ST8SIA5: variants seen among roughly 807,000 people sequenced by gnomAD.
ST8SIA5 encodes the protein ST8 alpha-N-acetyl-neuraminide alpha-2,8-sialyltransferase 5, also known as alpha-2,8-sialyltransferase 8E.
ST8SIA5 carries 24 observed loss-of-function variants against 40.2 expected under a neutral mutation model. That is an observed-to-expected ratio of 0.60 (90% CI 0.43 to 0.84). ST8SIA5 has a LOEUF of 0.84. Among genes scored for constraint, ST8SIA5 ranks in the 40% least tolerant of loss-of-function variants. The pLI is 0.00. For missense variants in ST8SIA5, 465 were observed against 498.5 expected, an observed-to-expected ratio of 0.93 and a Z score of 0.64; for synonymous variants, 198 against 201.8, an observed-to-expected ratio of 0.98 and a Z score of 0.16.
chr18:46,720,015 T>A (rs1474557226), intron 1 of ST8SIA5, among the ~76,000 whole-genome samples: 3 of 151,940 alleles, frequency 2.0e-5, no homozygotes, highest in Admixed American at 2.0e-4. Flanking sequence ...ATTTTTGCAT[T>A]TTTAGTAGAG....
chr18:46,725,970 A>T (rs868543699), intron 1 of ST8SIA5, among the ~76,000 whole-genome samples: 20 of 31,776 alleles, frequency 6.3e-4, no homozygotes, highest in African/African-American at 1.8e-3. Flanking sequence ...AAAAAAAAAA[A>T]AAATATATAT....
chr18:46,732,288 G>A (rs4121689), intron 1 of ST8SIA5, among the ~76,000 whole-genome samples: 9,275 of 152,252 alleles, frequency 0.061, 603 homozygotes, highest in East Asian at 0.31. Context: ...GGCATAGAGT[G>A]GGAAGTTAGC....
chr18:46,680,300 G>A lies in ST8SIA5; in HGVS notation c.873C>T (p.Ser291=). The change falls in exon 7 of 7, where the codon AGC becomes AGT. Residue 291 remains serine, a synonymous_variant. Coordinates refer to ENST00000315087, the MANE Select transcript of ST8SIA5 (RefSeq NM_013305.6). Reference sequence around the variant, plus strand: ...TGATGCGCTTGGCGCGCACCCCCAGGCTGAGCCAGTAGCGCGACACGTTGA... The same window carrying A: ...TGATGCGCTTGGCGCGCACCCCCAGACTGAGCCAGTAGCGCGACACGTTGA... ...YLVNVSRYWL[S]LGVRAKRIST... The A allele has an allele frequency of 6.2e-7, 1 of 1,614,232 alleles. No individual in the cohort carries two copies. Among genetic ancestry groups the A allele is most frequent in the Non-Finnish European group, 8.5e-7 (1 of 1,180,046 alleles).
At chr18:46,711,707 GATAGGT>G (rs1419282845) in intron 1 of ST8SIA5, among the ~76,000 whole-genome samples, 2 of 152,206 alleles carry the variant, frequency 1.3e-5, no homozygotes, top group Non-Finnish European at 2.9e-5. Flanking sequence ...TGTCTTCCCA[GATAGGT>G]AGGAGAGAGG....
intron 2 of ST8SIA5, among the ~76,000 whole-genome samples, chr18:46,700,659 C>T (rs1194321231): frequency 6.6e-6 from 1 of 152,182 alleles, no homozygotes; most frequent in East Asian, 1.9e-4. Flanking sequence ...GAGGTAACTA[C>T]TGTAGAAGAG....
chr18:46,756,631 G>T lies in ST8SIA5; in HGVS notation c.-123C>A. The T allele has an allele frequency of 8.4e-7, 1 of 1,186,026 alleles. No homozygotes were observed. The highest frequency in any genetic ancestry group is 1.2e-6 in the Non-Finnish European group (1 of 867,774). The allele number at this position is 1,186,026 out of a possible 1,614,324, so 73.5% of individuals were successfully genotyped here. A position where few individuals can be genotyped will look rare whatever the true frequency, so the allele number is the denominator to read the frequency against. ...TCACGGTGCGGTCAGGCAGGCGGGGGACTTCGAGGGGCAAAGTTTCTGGTT... is the reference window on the plus strand; with the variant it reads ...TCACGGTGCGGTCAGGCAGGCGGGGTACTTCGAGGGGCAAAGTTTCTGGTT... On this transcript the variant is annotated 5_prime_UTR_variant, in exon 1 of 7. Coordinates refer to ENST00000315087, the MANE Select transcript of ST8SIA5 (RefSeq NM_013305.6).
intron 1 of ST8SIA5, among the ~76,000 whole-genome samples, chr18:46,744,134 T>G (rs1388957708): frequency 6.6e-6 from 1 of 152,162 alleles, no homozygotes; most frequent in Non-Finnish European, 1.5e-5. Context: ...AAACCATCGA[T>G]GCTATGAAGA....
At chr18:46,696,682 G>C (rs1358211079) in intron 2 of ST8SIA5, among the ~76,000 whole-genome samples, 2 of 152,222 alleles carry the variant, frequency 1.3e-5, no homozygotes, top group Non-Finnish European at 2.9e-5. Context: ...TGTGTAAAAA[G>C]ATTTTACAAA....
At chr18:46,704,550 C>T in intron 2 of ST8SIA5, 22 bp downstream of exon 2, 1 of 1,611,532 alleles carries the variant, frequency 6.2e-7, no homozygotes, top group Non-Finnish European at 8.5e-7. Flanking sequence ...TCCCTGCACC[C>T]ACCACAAATG....
In ST8SIA5 at chr18:46,753,167, C is replaced by T. The variant is rs57479308; in HGVS notation, c.131+3211G>A. 4.0e-3 allele frequency among the ~76,000 whole-genome samples: 615 copies of T among 152,292 alleles called. 15 individuals carry two copies. The East Asian group carries it at 0.055, about 14-fold the overall frequency. On this transcript the variant is annotated intron_variant, in intron 1 of 6. Coordinates refer to ENST00000315087, the MANE Select transcript of ST8SIA5 (RefSeq NM_013305.6). Reference sequence around the variant, plus strand: ...GTGTCTCTTCCTGTTACAATCCCTGCGCGCACACACATAGTCCTACCTTCA... The same window carrying T: ...GTGTCTCTTCCTGTTACAATCCCTGTGCGCACACACATAGTCCTACCTTCA...
chr18:46,716,921 G>A lies in ST8SIA5; in HGVS notation c.132-12257C>T, dbSNP rs569216724. ...CTGGAGGGAGGACAAGGACCTGGATGTGGAGCCAGACCCAGTTGGCAGAAG... is the reference window on the plus strand; with the variant it reads ...CTGGAGGGAGGACAAGGACCTGGATATGGAGCCAGACCCAGTTGGCAGAAG... On this transcript the variant is annotated intron_variant, in intron 1 of 6. Coordinates refer to ENST00000315087, the MANE Select transcript of ST8SIA5 (RefSeq NM_013305.6). Among the ~76,000 whole-genome samples, 8 of 152,368 alleles carry A rather than the reference G, an allele frequency of 5.3e-5. No individual in the cohort carries two copies. In the East Asian group the frequency reaches 1.2e-3, roughly 22 times the overall value.
intron 4 of ST8SIA5, among the ~76,000 whole-genome samples, chr18:46,686,816 C>CAAAAAAAAAAAAAAAAA (rs752731256): frequency 8.3e-6 from 1 of 120,996 alleles, no homozygotes; most frequent in African/African-American, 3.3e-5. Flanking sequence ...CAGAGAAAGG[C>CAAAAAAAAAAAAAAAAA]AAAAAAAAAA....
At chr18:46,747,954 A>C (rs1195687410) in intron 1 of ST8SIA5, among the ~76,000 whole-genome samples, 2 of 152,156 alleles carry the variant, frequency 1.3e-5, no homozygotes, top group African/African-American at 4.8e-5. Context: ...CATCATTCTA[A>C]GCAAACTATC....
intron 1 of ST8SIA5, among the ~76,000 whole-genome samples, chr18:46,747,176 TA>T (rs779813024): frequency 1.3e-5 from 2 of 152,154 alleles, no homozygotes; most frequent in Non-Finnish European, 2.9e-5. Flanking sequence ...ACTTCATGAC[TA>T]AAACACCAAA....
At chr18:46,723,485 GA>G (rs2144531854) in intron 1 of ST8SIA5, among the ~76,000 whole-genome samples, 1 of 151,540 alleles carries the variant, frequency 6.6e-6, no homozygotes, top group South Asian at 2.1e-4. Flanking sequence ...CTGGGAGGTG[GA>G]GGTTGAAGTA....
At chr18:46,734,131 G>A (rs1010189080) in intron 1 of ST8SIA5, among the ~76,000 whole-genome samples, 8 of 152,196 alleles carry the variant, frequency 5.3e-5, no homozygotes, top group South Asian at 4.1e-4. Flanking sequence ...TGGTTGCGCC[G>A]CATTCTCAGC....
intron 3 of ST8SIA5, among the ~76,000 whole-genome samples, chr18:46,691,058 G>A (rs1367086166): frequency 6.6e-6 from 1 of 152,218 alleles, no homozygotes; most frequent in East Asian, 1.9e-4. Flanking sequence ...TGTGCAGTGT[G>A]CACAGTAACA....
rs1266325559 is a variant in ST8SIA5 at position 46,676,746 on chromosome 18, T to C, written c.*3296A>G. The C allele has an allele frequency of 2.0e-5, 3 of 152,254 alleles. No individual in the cohort carries two copies. The highest frequency in any genetic ancestry group is 7.2e-5 in the African/African-American group (3 of 41,454). 9.4% of individuals were successfully genotyped at this position (152,254 alleles called of 1,614,324 possible). On this transcript the variant is annotated 3_prime_UTR_variant, in exon 7 of 7. Transcript: ENST00000315087. ...TGGTTGTTTTGTTTACGGGAATCGA[T>C]TTCCCTTGAATAATAATTCAATGGG...
chr18:46,678,306 C>G lies in ST8SIA5; in HGVS notation c.*1736G>C, dbSNP rs1035134395. ...CACAGGGCACAGGTTCCACAACAAC[C>G]CCCCCACAGGAAGCCCAAGCCAAGA... On this transcript the variant is annotated 3_prime_UTR_variant, in exon 7 of 7. Transcript: ENST00000315087. 4 of 152,594 alleles carry G rather than the reference C, an allele frequency of 2.6e-5. No homozygotes were observed. Among genetic ancestry groups the G allele is most frequent in the Non-Finnish European group, 4.4e-5 (3 of 68,390 alleles). The allele number at this position is 152,594 out of a possible 1,614,324, so 9.5% of individuals were successfully genotyped here.
Sources: gnomAD v4.1 joint callset for allele counts (sites outside exome capture counted in the v4.1 genomes callset) on GRCh38, gnomAD v4.1.1 for gene constraint, MANE v1.5 for transcripts, NCBI Gene and HGNC (gene_info 2026-07-23, HGNC 2026-07-21) for gene names.